Variants in UCHL3 observed in about 807,000 individuals in gnomAD.
UCHL3 encodes the protein ubiquitin C-terminal hydrolase L3.
Under a neutral mutation model 35.8 loss-of-function variants are expected in UCHL3, and 22 were observed. The ratio of observed to expected loss-of-function variants is 0.61; its 90% confidence interval spans 0.44 to 0.88. The LOEUF (loss-of-function observed/expected upper bound fraction) is 0.88. Among genes scored for constraint, UCHL3 ranks in the 40% least tolerant of loss-of-function variants. The pLI, the probability that UCHL3 is intolerant of heterozygous loss-of-function variation, is 0.00. For synonymous variants in UCHL3, 90 were observed against 92.8 expected, an observed-to-expected ratio of 0.97 and a Z score of 0.17; for missense variants, 229 against 276.9, an observed-to-expected ratio of 0.83 and a Z score of 1.23.
intron 2 of UCHL3, among the ~76,000 whole-genome samples, chr13:75,552,370 AT>A (rs2031142411): frequency 6.6e-6 from 1 of 152,204 alleles, no homozygotes; most frequent in Non-Finnish European, 1.5e-5. Flanking sequence ...ACCTAATGGA[AT>A]GGTAGGATCT....
At chr13:75,579,271 G>A (rs1368721578) in intron 6 of UCHL3, among the ~76,000 whole-genome samples, 2 of 152,046 alleles carry the variant, frequency 1.3e-5, no homozygotes, top group East Asian at 1.9e-4. Context: ...AACAATACAT[G>A]TATCATGCGG....
chr13:75,575,183 C>G (rs1020229070), intron 6 of UCHL3, among the ~76,000 whole-genome samples: 3 of 152,086 alleles, frequency 2.0e-5, no homozygotes, highest in African/African-American at 4.8e-5. Context: ...TAGTCTTTTT[C>G]AGAAGATTGG....
intron 6 of UCHL3, among the ~76,000 whole-genome samples, chr13:75,572,684 G>C (rs1358641044): frequency 6.6e-6 from 1 of 152,158 alleles, no homozygotes; most frequent in African/African-American, 2.4e-5. Context: ...AGGGGGTTAG[G>C]GGTGGCAAAT....
At chr13:75,560,278 T>G (rs2031449574) in intron 2 of UCHL3, among the ~76,000 whole-genome samples, 1 of 152,194 alleles carries the variant, frequency 6.6e-6, no homozygotes, top group Non-Finnish European at 1.5e-5. Context: ...ATGCCTCTCC[T>G]TAAAAACCAA....
chr13:75,552,780 C>CAT (rs200622787), intron 2 of UCHL3, among the ~76,000 whole-genome samples: 1,962 of 152,310 alleles, frequency 0.013, 30 homozygotes, highest in Middle Eastern at 0.031. Flanking sequence ...AGAATTACAA[C>CAT]ATTTATAGAG....
In UCHL3 at chr13:75,569,458, A is replaced by G; in HGVS notation, c.427-2A>G. ...CAATGAATACCTTTATTCTTATTACAGGCCATCCGAGTTACTCATGAGACC... is the reference window on the plus strand; with the variant it reads ...CAATGAATACCTTTATTCTTATTACGGGCCATCCGAGTTACTCATGAGACC... On this transcript the variant is annotated splice_acceptor_variant, in intron 5 of 8. Transcript: ENST00000377595. LOFTEE classifies it high-confidence loss of function. 6.2e-7 allele frequency: 1 copy of G among 1,606,890 alleles called. No homozygotes were observed. Among genetic ancestry groups the G allele is most frequent in the Non-Finnish European group, 8.5e-7 (1 of 1,177,662 alleles).
intron 6 of UCHL3, among the ~76,000 whole-genome samples, chr13:75,585,453 CTT>C (rs2032297104): frequency 6.6e-6 from 1 of 151,980 alleles, no homozygotes; most frequent in South Asian, 2.1e-4. Flanking sequence ...AAAATAAAAA[CTT>C]TGAGACAGAC....
intron 6 of UCHL3, among the ~76,000 whole-genome samples, chr13:75,592,415 CATATATATATATATATATATAT>C (rs546657200): frequency 2.0e-3 from 82 of 40,652 alleles, no homozygotes; most frequent in Admixed American, 3.1e-3. Context: ...ATTTTTCCTT[CATATATATATATATATATATAT>C]ATATATATAT....
intron 7 of UCHL3, among the ~76,000 whole-genome samples, chr13:75,596,305 TAAATG>T (rs2032644958): frequency 1.3e-5 from 2 of 152,188 alleles, no homozygotes; most frequent in Non-Finnish European, 2.9e-5. Context: ...TAATAAAACT[TAAATG>T]AGAAGAAGTC....
chr13:75,574,985 G>A (rs2031977136), intron 6 of UCHL3, among the ~76,000 whole-genome samples: 1 of 152,232 alleles, frequency 6.6e-6, no homozygotes, highest in African/African-American at 2.4e-5. Context: ...GCATGTAGGT[G>A]TTGAAAGAGT....
Position 75,573,961 on chromosome 13 carries a change from T to C in UCHL3, c.474+4454T>C, listed in dbSNP as rs368960445. On this transcript the variant is annotated intron_variant, in intron 6 of 8. Transcript: ENST00000377595. Reference sequence around the variant, plus strand: ...GGCTGGGCGCGGTGGCTCACGCCTGTAATCCCAGTACTTTGGGAGGCCGAG... The same window carrying C: ...GGCTGGGCGCGGTGGCTCACGCCTGCAATCCCAGTACTTTGGGAGGCCGAG... Among the ~76,000 whole-genome samples the C allele has an allele frequency of 1.2e-4, 19 of 152,288 alleles. No homozygotes were observed. In the East Asian group the frequency reaches 2.9e-3, roughly 23 times the overall value.
intron 2 of UCHL3, among the ~76,000 whole-genome samples, chr13:75,556,303 A>C (rs925007351): frequency 9.9e-5 from 15 of 152,172 alleles, no homozygotes; most frequent in African/African-American, 3.6e-4. Flanking sequence ...GTCTCATTAA[A>C]ATTTATTTTT....
intron 6 of UCHL3, among the ~76,000 whole-genome samples, chr13:75,574,854 A>G (rs535615437): frequency 6.6e-6 from 1 of 152,146 alleles, no homozygotes. Context: ...TTTTTGGGTC[A>G]TATGTGTAGG....
chr13:75,604,548 T>C, intron 7 of UCHL3: 1 of 381,084 alleles, frequency 2.6e-6, no homozygotes, highest in Non-Finnish European at 4.6e-6. Flanking sequence ...ATTCCGTTCA[T>C]GAAGATAATT....
intron 6 of UCHL3, among the ~76,000 whole-genome samples, chr13:75,588,672 A>G (rs959361471): frequency 7.2e-5 from 11 of 152,222 alleles, no homozygotes; most frequent in Admixed American, 6.5e-4. Context: ...GTAGGATTAG[A>G]GAATTTTCAC....
rs772405094 is a variant in UCHL3 at position 75,605,759 on chromosome 13, G to A, written c.640G>A (p.Glu214Lys). The change falls in exon 9 of 9, where the codon GAG (glutamate) becomes AAG (lysine). Residue 214 changes from glutamate (E) to lysine (K), a missense_variant. By Grantham distance (56) the Glu-to-Lys change is moderately conservative (BLOSUM62 1). Transcript: ENST00000377595. The stretch of plus-strand genomic sequence containing the variant: ...CATAGAAGTTTGCAAGAAGTTTATG[G>A]AGCGCGACCCTGATGAACTAAGATT... ...DAIEVCKKFMERDPDELRFNA... is the reference protein window; with the variant it reads ...DAIEVCKKFMKRDPDELRFNA... 2.5e-6 allele frequency: 4 copies of A among 1,613,790 alleles called. No individual in the cohort carries two copies. The highest frequency in any genetic ancestry group is 3.4e-6 in the Non-Finnish European group (4 of 1,179,942).
In UCHL3 at chr13:75,604,840, C is replaced by T; in HGVS notation, c.609+13C>T. 1 of 1,581,722 alleles carries T rather than the reference C, an allele frequency of 6.3e-7. No homozygotes were observed. The highest frequency in any genetic ancestry group is 1.4e-5 in the African/African-American group (1 of 73,522). ...AACTTTATTAGAGGTAACAGTAACA[C>T]TTGTTGGCCCATCTTCATCAATATT... On this transcript the variant is annotated intron_variant, in intron 8 of 8. Transcript: ENST00000377595.
intron 3 of UCHL3, among the ~76,000 whole-genome samples, chr13:75,563,745 A>G (rs1350168854): frequency 6.6e-6 from 1 of 152,112 alleles, no homozygotes; most frequent in Non-Finnish European, 1.5e-5. Context: ...ACATCACATC[A>G]CATCCCTGCT....
intron 6 of UCHL3, among the ~76,000 whole-genome samples, chr13:75,580,098 A>C (rs1286236874): frequency 6.6e-6 from 1 of 152,170 alleles, no homozygotes; most frequent in Non-Finnish European, 1.5e-5. Flanking sequence ...ATCTTGATTT[A>C]TTAGGTGAGC....
Sources: gnomAD v4.1 joint callset for allele counts (sites outside exome capture counted in the v4.1 genomes callset) on GRCh38, gnomAD v4.1.1 for gene constraint, MANE v1.5 for transcripts, NCBI Gene and HGNC (gene_info 2026-07-23, HGNC 2026-07-21) for gene names.